The following PRICKLE1 variants were observed in gnomAD, a reference collection of about 807,000 sequenced individuals.
The protein encoded by PRICKLE1 is prickle-like protein 1.
A neutral mutation model predicts 70.2 loss-of-function variants in PRICKLE1; 14 were observed. The ratio of observed to expected loss-of-function variants is 0.20; its 90% CI spans 0.13 to 0.31. PRICKLE1 has a LOEUF of 0.31. Ranked by LOEUF, PRICKLE1 falls within the 10% of genes least tolerant of loss-of-function variation. PRICKLE1 has a pLI of 1.00. For synonymous variants in PRICKLE1, 357 were observed against 379.9 expected, an observed-to-expected ratio of 0.94 and a Z score of 0.70; for missense variants, 821 against 1,026.2, an observed-to-expected ratio of 0.80 and a Z score of 2.73.
intron 1 of PRICKLE1, among the ~76,000 whole-genome samples, chr12:42,548,923 C>A (rs1940258292): frequency 6.6e-6 from 1 of 152,016 alleles, no homozygotes; most frequent in Non-Finnish European, 1.5e-5. Flanking sequence ...GAGTTTGAGA[C>A]CAGCCTGGCC....
intron 1 of PRICKLE1, among the ~76,000 whole-genome samples, chr12:42,479,394 T>G (rs1460956668): frequency 6.6e-6 from 1 of 152,252 alleles, no homozygotes. Flanking sequence ...ACACATAGCG[T>G]GTGTGCGTGC....
chr12:42,521,488 C>T (rs1593152755), intron 1 of PRICKLE1, among the ~76,000 whole-genome samples: 1 of 152,048 alleles, frequency 6.6e-6, no homozygotes. Flanking sequence ...TCACTTGAGC[C>T]TAGGAGTTTC....
chr12:42,535,039 G>T (rs73130478), intron 1 of PRICKLE1, among the ~76,000 whole-genome samples: 2 of 152,074 alleles, frequency 1.3e-5, no homozygotes, highest in Non-Finnish European at 2.9e-5. Flanking sequence ...ACCCACCCTC[G>T]GGTTTAGGGT....
chr12:42,531,386 TAG>T (rs1939916159), intron 1 of PRICKLE1, among the ~76,000 whole-genome samples: 1 of 152,202 alleles, frequency 6.6e-6, no homozygotes, highest in Admixed American at 6.5e-5. Context: ...GTTAAAATGT[TAG>T]GTTATACATT....
At chr12:42,523,276 T>C (rs1939745546) in intron 1 of PRICKLE1, among the ~76,000 whole-genome samples, 1 of 152,186 alleles carries the variant, frequency 6.6e-6, no homozygotes, top group Non-Finnish European at 1.5e-5. Flanking sequence ...CAATTTTTTG[T>C]TTCTTAATCT....
At chr12:42,498,613 T>A (rs995187128) in intron 1 of PRICKLE1, among the ~76,000 whole-genome samples, 6 of 152,174 alleles carry the variant, frequency 3.9e-5, no homozygotes, top group Non-Finnish European at 5.9e-5. Context: ...TGAAACCTTG[T>A]CTCTATTTAA....
chr12:42,513,348 G>C (rs938264557), intron 1 of PRICKLE1, among the ~76,000 whole-genome samples: 1 of 152,134 alleles, frequency 6.6e-6, no homozygotes, highest in Non-Finnish European at 1.5e-5. Flanking sequence ...TATCCATTTT[G>C]TTCACTGATG....
In PRICKLE1 at chr12:42,588,228, T is replaced by C. The variant is rs190505761; in HGVS notation, c.-49+1237A>G. On this transcript the variant is annotated intron_variant, in intron 1 of 7. Coordinates refer to ENST00000345127, the MANE Select transcript of PRICKLE1 (RefSeq NM_153026.3). Reference sequence around the variant, plus strand: ...CCTTGGGCCTGTCTGAAAAGACAGATGGAAGTTCCCTCTACTCCTAAAGTA... The same window carrying C: ...CCTTGGGCCTGTCTGAAAAGACAGACGGAAGTTCCCTCTACTCCTAAAGTA... 1.8e-3 allele frequency among the ~76,000 whole-genome samples: 279 copies of C among 152,318 alleles called. 1 individual carries two copies. Among genetic ancestry groups the C allele is most frequent in the Non-Finnish European group, 3.4e-3 (229 of 68,016 alleles).
chr12:42,472,635 C>T, intron 1 of PRICKLE1, 71 bp from the exon 2 acceptor site: 1 of 1,301,450 alleles, frequency 7.7e-7, no homozygotes, highest in South Asian at 1.2e-5. Context: ...CGACCCAGAG[C>T]TTTTATTGAA....
intron 1 of PRICKLE1, among the ~76,000 whole-genome samples, chr12:42,555,928 T>A (rs1940406424): frequency 6.6e-6 from 1 of 152,206 alleles, no homozygotes; most frequent in African/African-American, 2.4e-5. Flanking sequence ...ATTATGCCTT[T>A]CACTATTTAA....
chr12:42,476,193 CTT>C (rs530875710), intron 1 of PRICKLE1, among the ~76,000 whole-genome samples: 4 of 138,158 alleles, frequency 2.9e-5, no homozygotes, highest in African/African-American at 1.0e-4. Context: ...TTTCTTTTTT[CTT>C]TTTTTTTTTT....
At chr12:42,520,641 A>G (rs1455687261) in intron 1 of PRICKLE1, among the ~76,000 whole-genome samples, 1 of 152,052 alleles carries the variant, frequency 6.6e-6, no homozygotes, top group East Asian at 1.9e-4. Flanking sequence ...ATCTACATTA[A>G]CCCCCAAATA....
chr12:42,507,608 T>C (rs965804545), intron 1 of PRICKLE1, among the ~76,000 whole-genome samples: 5 of 152,254 alleles, frequency 3.3e-5, no homozygotes, highest in Non-Finnish European at 5.9e-5. Context: ...TGAGCTGTTA[T>C]GATCACATTA....
chr12:42,482,528 A>G (rs1169931384), intron 1 of PRICKLE1, among the ~76,000 whole-genome samples: 1 of 152,208 alleles, frequency 6.6e-6, no homozygotes, highest in East Asian at 1.9e-4. Flanking sequence ...CTTGACTCCA[A>G]TGTACACACA....
In PRICKLE1 at chr12:42,464,555, G is replaced by A. The variant is rs1593105789; in HGVS notation, c.1479C>T (p.Ser493=). ...GTTCCAATTCCTGAAGCCTTCTACTGCTTGCAGGGCCTGGGTGGCTGCCAT... is the reference window on the plus strand; with the variant it reads ...GTTCCAATTCCTGAAGCCTTCTACTACTTGCAGGGCCTGGGTGGCTGCCAT... The part of the protein sequence containing the change: ...SAYGSHPGPA[S]SRRLQELELD... Residue 493 remains serine (S), a synonymous_variant, in exon 7 of 8, where the codon AGC becomes AGT. Transcript: ENST00000345127. This position sits in a 1 kb window ranked among gnomAD's most constrained non-coding sequence, Gnocchi z 4.2. The A allele has an allele frequency of 6.2e-7, 1 of 1,613,874 alleles. No homozygotes were observed. The highest frequency in any genetic ancestry group is 2.2e-5 in the East Asian group (1 of 44,830).
At chr12:42,563,131 C>T (rs1434660572) in intron 1 of PRICKLE1, among the ~76,000 whole-genome samples, 3 of 151,442 alleles carry the variant, frequency 2.0e-5, no homozygotes, top group Non-Finnish European at 4.4e-5. Flanking sequence ...TGCAGTGAAC[C>T]GAGATCATGC....
intron 1 of PRICKLE1, among the ~76,000 whole-genome samples, chr12:42,538,038 C>T (rs1940043878): frequency 6.6e-6 from 1 of 152,102 alleles, no homozygotes; most frequent in Non-Finnish European, 1.5e-5. Context: ...GTGCTCCTGG[C>T]TGGGTGTGGC....
rs1374457822 is a variant in PRICKLE1, at chr12:42,464,544, A to C, written c.1490T>G (p.Leu497Arg). ...SHPGPASSRRLQELELDHGAS... is the reference protein window; with the variant it reads ...SHPGPASSRRRQELELDHGAS... ...CCCATGGTCCAGTTCCAATTCCTGAAGCCTTCTACTGCTTGCAGGGCCTGG... is the reference window on the plus strand; with the variant it reads ...CCCATGGTCCAGTTCCAATTCCTGACGCCTTCTACTGCTTGCAGGGCCTGG... Residue 497 changes from leucine to arginine, a missense_variant, in exon 7 of 8, where the codon CTT (leucine) becomes CGT (arginine). By Grantham distance (102) the Leu-to-Arg change is moderately radical (BLOSUM62 -2). Coordinates refer to ENST00000345127, the MANE Select transcript of PRICKLE1 (RefSeq NM_153026.3). The surrounding 1 kb of genome is among the most constrained non-coding windows in gnomAD (Gnocchi z 4.2). The C allele has an allele frequency of 6.2e-7, 1 of 1,613,856 alleles. No homozygotes were observed. Among genetic ancestry groups the C allele is most frequent in the Non-Finnish European group, 8.5e-7 (1 of 1,179,984 alleles).
chr12:42,560,622 C>T (rs909583074), intron 1 of PRICKLE1, among the ~76,000 whole-genome samples: 6 of 152,064 alleles, frequency 3.9e-5, no homozygotes, highest in African/African-American at 1.2e-4. Flanking sequence ...TACTTTTGTG[C>T]TTTGCCATGG....
Sources: gnomAD v4.1 joint callset for allele counts (sites outside exome capture counted in the v4.1 genomes callset) on GRCh38, gnomAD v4.1.1 for gene constraint, Gnocchi (gnomAD v3.1) non-coding constraint, MANE v1.5 for transcripts, NCBI Gene and HGNC (gene_info 2026-07-23, HGNC 2026-07-21) for gene names.